The following GTF3C2 variants were observed in gnomAD, a reference collection of about 807,000 sequenced individuals.
GTF3C2 encodes the protein general transcription factor 3C polypeptide 2.
Under a neutral mutation model 117.4 loss-of-function variants are expected in GTF3C2, and 17 were observed. The observed-to-expected ratio is 0.14, with a 90% CI of 0.10 to 0.22. The LOEUF (loss-of-function observed/expected upper bound fraction) is 0.22, where lower values mean the gene tolerates loss of function less well. GTF3C2 is among the 10% of genes least tolerant of loss of function. The probability of loss-of-function intolerance (pLI) is 1.00; values close to 1 mark genes in which losing one functional copy is unlikely to be tolerated. For synonymous variants in GTF3C2, 437 were observed against 427.0 expected (o/e 1.02, Z -0.29); for missense variants, 888 against 1,143.6 (o/e 0.78, Z 3.22).
At chr2:27,348,972 G>C (rs1002971167) in intron 1 of GTF3C2, among the ~76,000 whole-genome samples, 1 of 151,706 alleles carries the variant, frequency 6.6e-6, no homozygotes, top group African/African-American at 2.4e-5. Flanking sequence ...CAGTAGCTAG[G>C]ATTACAGGCG....
chr2:27,353,611 G>C (rs1681218922), intron 1 of GTF3C2, among the ~76,000 whole-genome samples: 1 of 151,970 alleles, frequency 6.6e-6, no homozygotes, highest in Non-Finnish European at 1.5e-5. Flanking sequence ...GCTAAGTTTT[G>C]TACTTTTAGT....
chr2:27,343,361 T>G, exon 2 of GTF3C2: 1 of 1,613,978 alleles, frequency 6.2e-7, no homozygotes, highest in Non-Finnish European at 8.5e-7. Flanking sequence ...CCTCCTCTGA[T>G]CAGGAGAATC....
chr2:27,356,153 C>A, intron 1 of GTF3C2: 3 of 1,240,538 alleles, frequency 2.4e-6, no homozygotes, highest in Non-Finnish European at 3.2e-6. Context: ...CTGACTTCCC[C>A]AACAGGCAGC....
At chr2:27,349,139 ATTTGATTTTTTTTT>A (rs1681027766) in intron 1 of GTF3C2, among the ~76,000 whole-genome samples, 1 of 126,292 alleles carries the variant, frequency 7.9e-6, no homozygotes. Flanking sequence ...GCCCAGCCTG[ATTTGATTTTTTTTT>A]TTTTTTTTTT....
chr2:27,351,272 C>T (rs919722704), intron 1 of GTF3C2, among the ~76,000 whole-genome samples: 1 of 151,592 alleles, frequency 6.6e-6, no homozygotes. Flanking sequence ...ATTAGCTGGG[C>T]GTGGTGCCAC....
intron 4 of GTF3C2, chr2:27,341,304 G>A (rs1364649351): frequency 6.6e-6 from 1 of 152,456 alleles, no homozygotes. Flanking sequence ...CCAAAGTGCT[G>A]GGATTACAGG....
chr2:27,328,755 T>A, intron 15 of GTF3C2, 89 bp downstream of exon 15: 4 of 1,092,650 alleles, frequency 3.7e-6, no homozygotes, highest in Non-Finnish European at 5.5e-6. Flanking sequence ...CTTCTCCTTC[T>A]ACCCAAAACT....
Position 27,343,293 on chromosome 2 carries a change from G to C in GTF3C2, c.247+15C>G. ...TGGCATGGGGAATAAAAAGATAAGA[G>C]GACAAGGTACATACCTGGCTGTTCC... is the stretch of plus-strand genomic sequence containing the variant. On this transcript the variant is annotated intron_variant, in intron 2 of 18. Transcript: ENST00000264720. 2 of 1,609,990 alleles carry C rather than the reference G, an allele frequency of 1.2e-6. No individual in the cohort carries two copies. Among genetic ancestry groups the C allele is most frequent in the South Asian group, 2.2e-5 (2 of 90,798 alleles).
intron 11 of GTF3C2, 23 bp from the exon 12 acceptor site, chr2:27,333,807 A>C (rs1470590541): frequency 6.2e-7 from 1 of 1,601,442 alleles, no homozygotes; most frequent in Non-Finnish European, 8.5e-7. Flanking sequence ...AAGAGATGGG[A>C]CTAGGGTTAG....
chr2:27,326,381 T>G, exon 19 of GTF3C2: 1 of 521,802 alleles, frequency 1.9e-6, no homozygotes, highest in Non-Finnish European at 3.5e-6. Flanking sequence ...ATATGCTCAA[T>G]ATGAGCAGTT....
rs1464293200 is a variant in GTF3C2 at position 27,336,442 on chromosome 2, G to C, written c.1128-17C>G. On this transcript the variant is annotated splice_polypyrimidine_tract_variant and intron_variant, in intron 7 of 18. Transcript: ENST00000264720. ...GAGCTAAATCTAGAGAAAAATCAAA[G>C]ATGGGATGAAGAAAGGAATTAATGA... 8 of 1,455,306 alleles carry C rather than the reference G, an allele frequency of 5.5e-6. No individual in the cohort carries two copies. In the East Asian group the frequency reaches 1.8e-4, roughly 33 times the overall value. 90.1% of individuals were successfully genotyped at this position (1,455,306 alleles called of 1,614,324 possible).
At chr2:27,336,793 G>C in intron 7 of GTF3C2, 1 of 230,426 alleles carries the variant, frequency 4.3e-6, no homozygotes, top group Non-Finnish European at 8.6e-6. Context: ...ATTCTTTGTA[G>C]AGATAGGGGT....
chr2:27,337,697 G>A, intron 5 of GTF3C2, 139 bp from the exon 6 acceptor site: 1 of 732,480 alleles, frequency 1.4e-6, no homozygotes, highest in Admixed American at 2.0e-5. Flanking sequence ...TAGCTACCAA[G>A]CACCTAAAAT....
At chr2:27,330,951 C>A (rs1680254335) in intron 12 of GTF3C2, among the ~76,000 whole-genome samples, 1 of 152,024 alleles carries the variant, frequency 6.6e-6, no homozygotes, top group South Asian at 2.1e-4. Context: ...CCCACAGACC[C>A]TGTCTCAAAA....
At chr2:27,333,352 G>A (rs187768872) in intron 12 of GTF3C2, among the ~76,000 whole-genome samples, 30 of 150,976 alleles carry the variant, frequency 2.0e-4, no homozygotes, top group East Asian at 9.9e-4. Flanking sequence ...ATAGGGTTTC[G>A]CTGTATTGGC....
In GTF3C2 at chr2:27,343,392, T is replaced by A. The variant is rs757309303; in HGVS notation, c.163A>T (p.Thr55Ser). Reference sequence around the variant, plus strand: ...GAATCCTCAAATCCAGGCAAAGGGGTAGGTAATGACATCTCTACGGAAGCC... The same window carrying A: ...GAATCCTCAAATCCAGGCAAAGGGGAAGGTAATGACATCTCTACGGAAGCC... The change falls in exon 2 of 19, where the codon ACC (threonine) becomes TCC (serine). Residue 55 changes from threonine to serine, a missense_variant. Transcript: ENST00000264720. 17 of 1,613,696 alleles carry A rather than the reference T, an allele frequency of 1.1e-5. No homozygotes were observed. In the South Asian group the frequency reaches 1.9e-4, roughly 18 times the overall value.
chr2:27,344,481 AACAC>A (rs201075304), intron 1 of GTF3C2, among the ~76,000 whole-genome samples: 1 of 152,084 alleles, frequency 6.6e-6, no homozygotes, highest in Admixed American at 6.6e-5. Context: ...AATGAAATAA[AACAC>A]ACACACACAG....
At chr2:27,332,050 T>C (rs1056467576) in intron 12 of GTF3C2, among the ~76,000 whole-genome samples, 6 of 152,224 alleles carry the variant, frequency 3.9e-5, no homozygotes, top group African/African-American at 1.4e-4. Context: ...TCGCTTATAG[T>C]GAAGGAACAT....
At chr2:27,354,552 G>A (rs1681258695) in intron 1 of GTF3C2, among the ~76,000 whole-genome samples, 1 of 152,046 alleles carries the variant, frequency 6.6e-6, no homozygotes, top group Non-Finnish European at 1.5e-5. Context: ...CTTGAGGTCA[G>A]GAGACTAGCC....
Sources: gnomAD v4.1 joint callset for allele counts (sites outside exome capture counted in the v4.1 genomes callset) on GRCh38, gnomAD v4.1.1 for gene constraint, MANE v1.5 for transcripts, NCBI Gene and HGNC (gene_info 2026-07-23, HGNC 2026-07-21) for gene names.